The following DRC4 variants were observed in gnomAD, a reference collection of about 807,000 sequenced individuals.
The protein encoded by DRC4 is dynein regulatory complex subunit 4.
the DRC4 span, chr16:90,044,940 T>TC: frequency 5.0e-6 from 1 of 198,640 alleles, no homozygotes; most frequent in Non-Finnish European, 1.0e-5. Flanking sequence ...TTTAAAAACT[T>TC]ATAAAGTGGA....
the DRC4 span, chr16:90,029,235 C>T: frequency 1.2e-4 from 138 of 1,165,782 alleles, 1 homozygote; most frequent in South Asian, 2.4e-3. Flanking sequence ...TTGCACTGCA[C>T]ATCGCACGTT....
chr16:90,022,758 G>C, the DRC4 span: 1 of 1,367,198 alleles, frequency 7.3e-7, no homozygotes, highest in Non-Finnish European at 9.5e-7. Flanking sequence ...TGGGGTCCTC[G>C]GCAGGGGCCC....
chr16:90,031,353 C>T, the DRC4 span: 9 of 1,613,500 alleles, frequency 5.6e-6, no homozygotes, highest in Admixed American at 5.0e-5. Context: ...GCGGGAGGAA[C>T]GAAACTACTT....
the DRC4 span, among the ~76,000 whole-genome samples, chr16:90,023,611 G>A: frequency 3.7e-4 from 51 of 137,876 alleles, 2 homozygotes; most frequent in Middle Eastern, 7.1e-3. Context: ...ATTAAAAAGA[G>A]AGCAGTACAT....
At chr16:90,032,659 T>A in the DRC4 span, 1 of 1,529,834 alleles carries the variant, frequency 6.5e-7, no homozygotes, top group African/African-American at 1.4e-5. Context: ...TGTGCACAGG[T>A]ACGGAAAGGT....
At chr16:90,039,988 G>T in the DRC4 span, 1 of 401,386 alleles carries the variant, frequency 2.5e-6, no homozygotes, top group South Asian at 2.4e-5. Context: ...GACTGGCCTC[G>T]GCCACCCATG....
At chr16:90,041,196 C>A in the DRC4 span, among the ~76,000 whole-genome samples, 1 of 152,236 alleles carries the variant, frequency 6.6e-6, no homozygotes, top group African/African-American at 2.4e-5. Flanking sequence ...CAGCTGCGCC[C>A]ACGCGCCAGG....
the DRC4 span, chr16:90,035,645 G>A: frequency 6.2e-7 from 1 of 1,614,056 alleles, no homozygotes. Flanking sequence ...ACACACCGAG[G>A]AGATCACCAG....
At chr16:90,041,531 C>T in the DRC4 span, among the ~76,000 whole-genome samples, 14 of 152,264 alleles carry the variant, frequency 9.2e-5, 1 homozygote, top group South Asian at 2.1e-4. Context: ...GATAGCCGGG[C>T]GCGGTGGCTC....
chr16:90,029,138 C>G, the DRC4 span: 1 of 1,332,316 alleles, frequency 7.5e-7, no homozygotes, highest in Admixed American at 2.2e-5. Flanking sequence ...GCCATGGAGC[C>G]TACGGGGCAG....
the DRC4 span, chr16:90,032,965 G>T: frequency 6.4e-7 from 1 of 1,570,178 alleles, no homozygotes; most frequent in East Asian, 2.3e-5. Flanking sequence ...CAGGTTGTTG[G>T]GACGGCAAGC....
At chr16:90,022,660 C>G in the DRC4 span, 1 of 1,412,144 alleles carries the variant, frequency 7.1e-7, no homozygotes, top group Non-Finnish European at 9.3e-7. Flanking sequence ...CGGGAAACGG[C>G]GTGGCTTCCG....
At chr16:90,027,299 G>A in the DRC4 span, among the ~76,000 whole-genome samples, 6 of 151,282 alleles carry the variant, frequency 4.0e-5, no homozygotes, top group South Asian at 2.1e-4. Flanking sequence ...TGTGTTAGCC[G>A]GGATGGTCTT....
At chr16:90,023,270 A>T in the DRC4 span, among the ~76,000 whole-genome samples, 1 of 152,310 alleles carries the variant, frequency 6.6e-6, no homozygotes, top group Non-Finnish European at 1.5e-5. Context: ...CCAGGGCACA[A>T]CCTTGGGATA....
the DRC4 span, chr16:90,036,389 G>C: frequency 6.2e-7 from 1 of 1,603,338 alleles, no homozygotes; most frequent in Non-Finnish European, 8.5e-7. Context: ...AGAAATTGAG[G>C]CCAAGTATGA....
At chr16:90,043,142 G>C in the DRC4 span, 1 of 1,566,674 alleles carries the variant, frequency 6.4e-7, no homozygotes, top group Admixed American at 1.7e-5. Flanking sequence ...ACTCAGCTCT[G>C]GTGGTCCTGA....
chr16:90,029,597 C>T, the DRC4 span: 15 of 270,670 alleles, frequency 5.5e-5, no homozygotes, highest in African/African-American at 3.0e-4. Flanking sequence ...GTGCGTGTCT[C>T]CCTCATGTCT....
chr16:90,036,425 G>T, the DRC4 span: 1 of 1,612,352 alleles, frequency 6.2e-7, no homozygotes, highest in Non-Finnish European at 8.5e-7. Context: ...GCTGAGGGAC[G>T]AACTCGACTT....
the DRC4 span, among the ~76,000 whole-genome samples, chr16:90,041,514 AAAG>A: frequency 6.6e-6 from 1 of 151,936 alleles, no homozygotes; most frequent in African/African-American, 2.4e-5. Flanking sequence ...CTGTTACAAA[AAAG>A]TGGGATAGCC....
Sources: gnomAD v4.1 joint callset for allele counts (sites outside exome capture counted in the v4.1 genomes callset) on GRCh38, gnomAD v4.1.1 for gene constraint, MANE v1.5 for transcripts, NCBI Gene and HGNC (gene_info 2026-07-23, HGNC 2026-07-21) for gene names.